The following FRY variants were observed in gnomAD, a reference collection of about 807,000 sequenced individuals.
FRY encodes protein furry homolog.
FRY carries 128 observed loss-of-function variants against 348.4 expected under a neutral mutation model. The ratio of observed to expected loss-of-function variants is 0.37; its 90% CI spans 0.32 to 0.43. The LOEUF is 0.43. FRY is among the 20% of genes least tolerant of loss of function. The pLI is 1.00. For synonymous variants in FRY, 1,370 were observed against 1,374.7 expected (o/e 1.00, Z 0.08); for missense variants, 2,736 against 3,695.2 (o/e 0.74, Z 6.73).
At position 32,149,809 on chromosome 13, in the gene FRY, C is replaced by G. The variant is rs749452444; in HGVS notation, c.1454C>G (p.Ala485Gly). 6.2e-7 allele frequency: 1 copy of G among 1,607,762 alleles called. No homozygotes were observed. The highest frequency in any genetic ancestry group is 1.1e-5 in the South Asian group (1 of 90,950). ...GATTTTCTTTGTGTGGGAAAACCAGCAAAAGCATTCAGTCTCAACCCAGAG... is the reference window on the plus strand; with the variant it reads ...GATTTTCTTTGTGTGGGAAAACCAGGAAAAGCATTCAGTCTCAACCCAGAG... The part of the protein sequence containing the change: ...IFDFLCVGKP[A>G]KAFSLNPERM... Residue 485 changes from alanine (A) to glycine (G), a missense_variant, in exon 14 of 61, where the codon GCA (alanine) becomes GGA (glycine). Around this residue, in one of 9 missense-constraint regions of FRY, gnomAD observed 191 missense variants for 370.2 expected, o/e 0.52. Transcript: ENST00000542859.
chr13:32,146,181 AT>A (rs11364929), intron 11 of FRY, among the ~76,000 whole-genome samples: 58,315 of 146,732 alleles, frequency 0.4, 11,787 homozygotes, highest in African/African-American at 0.5. Flanking sequence ...CCCTCCCACC[AT>A]TTTTTTTTTT....
intron 15 of FRY, among the ~76,000 whole-genome samples, chr13:32,156,756 G>A (rs559173733): frequency 1.3e-5 from 2 of 152,144 alleles, no homozygotes; most frequent in African/African-American, 4.8e-5. Flanking sequence ...CAACACTGTA[G>A]TTAATGAGAA....
intron 1 of FRY, among the ~76,000 whole-genome samples, chr13:32,069,707 T>C (rs956006856): frequency 3.3e-5 from 5 of 152,242 alleles, no homozygotes; most frequent in Non-Finnish European, 7.3e-5. Flanking sequence ...AAATATTGCA[T>C]GATTCCACTA....
chr13:32,281,342 A>G (rs1042875419), intron 58 of FRY, among the ~76,000 whole-genome samples: 15 of 152,194 alleles, frequency 9.9e-5, no homozygotes, highest in Admixed American at 6.5e-5. Context: ...TATTCTTTCC[A>G]TTTGTCCACA....
chr13:32,165,508 C>A (rs1461701430), intron 17 of FRY, among the ~76,000 whole-genome samples: 1 of 140,090 alleles, frequency 7.1e-6, no homozygotes, highest in Non-Finnish European at 1.5e-5. Context: ...GGTGAACTAC[C>A]CTGGTGGTGA....
chr13:32,204,992 C>G (rs961866578), intron 31 of FRY, among the ~76,000 whole-genome samples: 19 of 152,110 alleles, frequency 1.2e-4, no homozygotes, highest in African/African-American at 4.3e-4. Context: ...CACTTGAGGC[C>G]AGGAGTTCGA....
chr13:32,133,768 C>CTTTCT (rs773329831), intron 8 of FRY, among the ~76,000 whole-genome samples: 2 of 89,286 alleles, frequency 2.2e-5, no homozygotes, highest in African/African-American at 4.3e-5. Flanking sequence ...TTCTTTCTTT[C>CTTTCT]TTTTTTTTTT....
At chr13:32,061,543 T>C (rs1233493900) in intron 1 of FRY, among the ~76,000 whole-genome samples, 1 of 152,194 alleles carries the variant, frequency 6.6e-6, no homozygotes, top group Non-Finnish European at 1.5e-5. Flanking sequence ...TTTAATATTA[T>C]AGTAGAAGTA....
chr13:32,246,018 C>T (rs1016602920), intron 47 of FRY, among the ~76,000 whole-genome samples: 1 of 152,230 alleles, frequency 6.6e-6, no homozygotes, highest in African/African-American at 2.4e-5. Flanking sequence ...ATCATACTTA[C>T]ACCACATAGG....
In FRY at chr13:32,227,751, G is replaced by GTT. The variant is rs200389438; in HGVS notation, c.5207-688_5207-687dup. Among the ~76,000 whole-genome samples, 1,357 of 135,830 alleles carry GTT rather than the reference G, an allele frequency of 1.0e-2. 25 individuals are homozygous for GTT. The highest frequency in any genetic ancestry group is 0.032 in the African/African-American group (1,175 of 36,976). 89.1% of individuals were successfully genotyped at this position (135,830 alleles called of 152,430 possible). On this transcript the variant is annotated intron_variant, in intron 39 of 60. Coordinates refer to ENST00000542859, the MANE Select transcript of FRY (RefSeq NM_023037.3). ...CTCAAACAGGGTATCATTTCACATGGTTTTTTTTTTTTTTTTTTGAGACAG... is the reference window on the plus strand; with the variant it reads ...CTCAAACAGGGTATCATTTCACATGGTTTTTTTTTTTTTTTTTTTTGAGACAG...
chr13:32,047,584 G>GC (rs553090134), intron 1 of FRY, among the ~76,000 whole-genome samples: 1 of 148,628 alleles, frequency 6.7e-6, no homozygotes, highest in South Asian at 2.2e-4. Context: ...TTTTTTTTGG[G>GC]GGGGGTGCAG....
intron 4 of FRY, among the ~76,000 whole-genome samples, chr13:32,123,930 G>A (rs796756932): frequency 7.2e-5 from 11 of 152,232 alleles, no homozygotes; most frequent in African/African-American, 2.6e-4. Context: ...CGCCTCCCGG[G>A]TTCAGACGAT....
rs868405692 is a variant in FRY, at chr13:32,040,319, G to A, written c.70+8454G>A. 3.9e-5 allele frequency among the ~76,000 whole-genome samples: 6 copies of A among 152,284 alleles called. No homozygotes were observed. The South Asian group carries it at 1.2e-3, about 32-fold the overall frequency. The stretch of plus-strand genomic sequence containing the variant: ...CTCTGTTTTTCTGTTATTTTTCTGT[G>A]TGTGACCTTGGCTTTCTCATTCTCT... On this transcript the variant is annotated intron_variant, in intron 1 of 60. Coordinates refer to ENST00000542859, the MANE Select transcript of FRY (RefSeq NM_023037.3).
At chr13:32,293,367 A>G (rs1335793800) in intron 59 of FRY, among the ~76,000 whole-genome samples, 2 of 152,252 alleles carry the variant, frequency 1.3e-5, no homozygotes, top group African/African-American at 4.8e-5. Context: ...CTACTTCTGT[A>G]GTAGGTAGTT....
chr13:32,104,279 C>A (rs1877388255), intron 3 of FRY, among the ~76,000 whole-genome samples: 1 of 152,176 alleles, frequency 6.6e-6, no homozygotes, highest in South Asian at 2.1e-4. Context: ...ACCTTTGTCA[C>A]TTAATTAGCT....
chr13:32,216,667 T>C (rs1885010234), intron 35 of FRY, among the ~76,000 whole-genome samples: 1 of 152,276 alleles, frequency 6.6e-6, no homozygotes, highest in African/African-American at 2.4e-5. Context: ...AGATGCTGTT[T>C]ATCACTTTGC....
intron 35 of FRY, among the ~76,000 whole-genome samples, chr13:32,216,027 T>C (rs938911012): frequency 2.0e-5 from 3 of 152,254 alleles, no homozygotes; most frequent in African/African-American, 7.2e-5. Context: ...AAATTGATAG[T>C]GTTGATATAC....
rs567561303 is a variant in FRY at position 32,166,898 on chromosome 13, C to T, written c.1893-4114C>T. Among the ~76,000 whole-genome samples the T allele has an allele frequency of 1.5e-4, 23 of 152,216 alleles. No homozygotes were observed. In the South Asian group the frequency reaches 4.6e-3, roughly 30 times the overall value. On this transcript the variant is annotated intron_variant, in intron 17 of 60. Coordinates refer to ENST00000542859, the MANE Select transcript of FRY (RefSeq NM_023037.3). Reference sequence around the variant, plus strand: ...TTTCCCCTCCCTGGTCTTCTTCCTCCAGGAATATTTTTGAGCCTTTCAGTG... The same window carrying T: ...TTTCCCCTCCCTGGTCTTCTTCCTCTAGGAATATTTTTGAGCCTTTCAGTG...
intron 35 of FRY, among the ~76,000 whole-genome samples, chr13:32,216,813 C>T (rs1191545326): frequency 1.3e-5 from 2 of 152,170 alleles, no homozygotes; most frequent in African/African-American, 4.8e-5. Flanking sequence ...CTTAGATATT[C>T]TGTTCTTATA....
Sources: allele counts gnomAD v4.1 joint callset (sites outside exome capture counted in the v4.1 genomes callset), GRCh38; gene constraint gnomAD v4.1.1; regional missense constraint gnomAD v4.1.1; transcripts MANE v1.5; gene names NCBI Gene and HGNC (gene_info 2026-07-23, HGNC 2026-07-21).